The following PLCB4 variants were observed in gnomAD, a reference collection of about 807,000 sequenced individuals.
PLCB4 encodes the protein 1-phosphatidylinositol 4,5-bisphosphate phosphodiesterase beta-4.
PLCB4 carries 77 observed loss-of-function variants against 178.8 expected under a neutral mutation model. The observed-to-expected ratio is 0.43, with a 90% CI of 0.36 to 0.52. The LOEUF (loss-of-function observed/expected upper bound fraction) is 0.52. Ranked by LOEUF, PLCB4 falls within the 20% of genes least tolerant of loss-of-function variation. The pLI is 0.00. For missense variants in PLCB4, 1,024 were observed against 1,453.4 expected (o/e 0.70, Z 4.80); for synonymous variants, 496 against 490.8 (o/e 1.01, Z -0.14).
intron 2 of PLCB4, among the ~76,000 whole-genome samples, chr20:9,163,573 TTC>T (rs2092923014): frequency 6.6e-6 from 1 of 152,114 alleles, no homozygotes; most frequent in African/African-American, 2.4e-5. Flanking sequence ...TATGTTTATA[TTC>T]TGTTTTTTCT....
At chr20:9,162,063 T>C (rs886578885) in intron 2 of PLCB4, among the ~76,000 whole-genome samples, 1 of 145,500 alleles carries the variant, frequency 6.9e-6, no homozygotes, top group Admixed American at 6.9e-5. Context: ...GCATGTTCTG[T>C]TTTTTTTGTC....
At chr20:9,294,630 G>T (rs1353440111) in intron 3 of PLCB4, among the ~76,000 whole-genome samples, 1 of 152,118 alleles carries the variant, frequency 6.6e-6, no homozygotes, top group African/African-American at 2.4e-5. Flanking sequence ...AGGATTTAAA[G>T]ACCATTTTCC....
At chr20:9,424,107 A>T (rs952739004) in intron 28 of PLCB4, among the ~76,000 whole-genome samples, 155 bp downstream of exon 28, 14 of 152,242 alleles carry the variant, frequency 9.2e-5, no homozygotes, top group Non-Finnish European at 2.1e-4. Flanking sequence ...TCAAGAATAC[A>T]TCATAACCTC....
intron 2 of PLCB4, among the ~76,000 whole-genome samples, chr20:9,208,576 G>C (rs2093639143): frequency 6.7e-6 from 1 of 148,730 alleles, no homozygotes; most frequent in Admixed American, 6.7e-5. Context: ...GTCTTGCTCT[G>C]TTGCCTAGGC....
chr20:9,458,160 C>T (rs1166529087), intron 34 of PLCB4, among the ~76,000 whole-genome samples: 1 of 152,074 alleles, frequency 6.6e-6, no homozygotes, highest in African/African-American at 2.4e-5. Context: ...TGTGGTTGAA[C>T]CAGCCAGCCT....
chr20:9,112,095 CA>C, intron 2 of PLCB4, among the ~76,000 whole-genome samples: 1 of 152,158 alleles, frequency 6.6e-6, no homozygotes, highest in African/African-American at 2.4e-5. Context: ...TTCATTATCA[CA>C]AAAATATCCT....
intron 4 of PLCB4, among the ~76,000 whole-genome samples, chr20:9,314,660 T>C (rs1266173043): frequency 6.6e-6 from 1 of 152,086 alleles, no homozygotes; most frequent in Non-Finnish European, 1.5e-5. Context: ...TTAATACTAG[T>C]TAAAAATACA....
chr20:9,090,922 A>C (rs144231817), intron 1 of PLCB4, among the ~76,000 whole-genome samples: 1 of 152,060 alleles, frequency 6.6e-6, no homozygotes, highest in Non-Finnish European at 1.5e-5. Context: ...TATACATGCA[A>C]TTTGTTTTCT....
At chr20:9,314,826 ACT>A (rs2094880377) in intron 4 of PLCB4, among the ~76,000 whole-genome samples, 1 of 151,002 alleles carries the variant, frequency 6.6e-6, no homozygotes, top group African/African-American at 2.4e-5. Context: ...GGCTTCCTTC[ACT>A]CACCCTCTTA....
intron 4 of PLCB4, among the ~76,000 whole-genome samples, chr20:9,315,021 G>T (rs764135668): frequency 1.3e-5 from 2 of 152,034 alleles, no homozygotes; most frequent in Non-Finnish European, 2.9e-5. Flanking sequence ...ACAAGCATGT[G>T]CCACCATGCC....
chr20:9,348,326 T>G (rs947005255), intron 7 of PLCB4, among the ~76,000 whole-genome samples: 1 of 152,238 alleles, frequency 6.6e-6, no homozygotes, highest in East Asian at 1.9e-4. Context: ...CCAGAGGTTT[T>G]GTTCCTGGGT....
At chr20:9,459,888 A>G in intron 35 of PLCB4, 78 bp downstream of exon 35, 1 of 908,472 alleles carries the variant, frequency 1.1e-6, no homozygotes, top group Non-Finnish European at 1.7e-6. Context: ...AAGAGAGCCA[A>G]GGTAATAAGT....
chr20:9,235,563 A>C (rs550502571), intron 3 of PLCB4, among the ~76,000 whole-genome samples: 63 of 152,308 alleles, frequency 4.1e-4, no homozygotes, highest in Non-Finnish European at 7.2e-4. Flanking sequence ...CCGCTTTCAA[A>C]AATCTCAGAG....
At chr20:9,304,380 C>T (rs1389790243) in intron 3 of PLCB4, among the ~76,000 whole-genome samples, 2 of 151,758 alleles carry the variant, frequency 1.3e-5, no homozygotes, top group Non-Finnish European at 2.9e-5. Context: ...TCCTCTAGGG[C>T]CTAATCGTGA....
intron 9 of PLCB4, 123 bp from the exon 10 acceptor site, chr20:9,371,091 T>A (rs2036215353): frequency 2.9e-6 from 2 of 684,744 alleles, no homozygotes; most frequent in Admixed American, 2.2e-5. Context: ...CAATGAGAGG[T>A]AATTTTATTC....
At chr20:9,141,299 C>T (rs891001112) in intron 2 of PLCB4, among the ~76,000 whole-genome samples, 1 of 152,150 alleles carries the variant, frequency 6.6e-6, no homozygotes, top group Non-Finnish European at 1.5e-5. Context: ...GGTTAGATTA[C>T]AGCTTGGGAT....
At chr20:9,392,680 A>G (rs1314469845) in intron 17 of PLCB4, among the ~76,000 whole-genome samples, 1 of 152,202 alleles carries the variant, frequency 6.6e-6, no homozygotes, top group African/African-American at 2.4e-5. Context: ...ATGTGAACAC[A>G]TAACTAGAAA....
At chr20:9,108,280 A>G (rs933121053) in intron 2 of PLCB4, among the ~76,000 whole-genome samples, 1 of 152,166 alleles carries the variant, frequency 6.6e-6, no homozygotes, top group Non-Finnish European at 1.5e-5. Flanking sequence ...GTGAATGTGG[A>G]CAAGAAGCAA....
intron 2 of PLCB4, among the ~76,000 whole-genome samples, chr20:9,126,267 G>A (rs373497551): frequency 4.6e-5 from 7 of 152,218 alleles, no homozygotes; most frequent in African/African-American, 1.7e-4. Flanking sequence ...ATTGCTGTAA[G>A]GAATGTCATT....
Sources: gnomAD v4.1 joint callset for allele counts (sites outside exome capture counted in the v4.1 genomes callset) on GRCh38, gnomAD v4.1.1 for gene constraint, MANE v1.5 for transcripts, NCBI Gene and HGNC (gene_info 2026-07-23, HGNC 2026-07-21) for gene names.